Variants in PLCL2 observed in about 807,000 individuals in gnomAD.
PLCL2 encodes phospholipase C like 2.
PLCL2 carries 4 observed loss-of-function variants against 79.6 expected under a neutral mutation model. The ratio of observed to expected loss-of-function variants is 0.05; its 90% CI spans 0.02 to 0.11. The LOEUF (loss-of-function observed/expected upper bound fraction) is 0.11. Ranked by LOEUF, PLCL2 falls within the 10% of genes least tolerant of loss-of-function variation. The pLI, the probability that PLCL2 is intolerant of heterozygous loss-of-function variation, is 1.00. For synonymous variants in PLCL2, 484 were observed against 457.7 expected (o/e 1.06, Z -0.73); for missense variants, 895 against 1,291.0 (o/e 0.69, Z 4.70).
At chr3:16,965,793 G>A (rs1245758367) in intron 1 of PLCL2, among the ~76,000 whole-genome samples, 1 of 151,650 alleles carries the variant, frequency 6.6e-6, no homozygotes, top group South Asian at 2.1e-4. Flanking sequence ...ATTGTGAATG[G>A]GAGTTCACTC....
At position 17,053,668 on chromosome 3, in the gene PLCL2, G is replaced by A. The variant is rs9985265; in HGVS notation, c.3094+10719G>A. Among the ~76,000 whole-genome samples the A allele has an allele frequency of 3.1e-3, 468 of 152,278 alleles. 3 individuals are homozygous for A. The highest frequency in any genetic ancestry group is 0.01 in the African/African-American group (429 of 41,548). On this transcript the variant is annotated intron_variant, in intron 4 of 5. Transcript: ENST00000615277. ...CTATAAGCCTGTAAAATCAGAACAA[G>A]TTACTTACTTCCAAGTTACAATGGG...
At chr3:16,978,791 T>G (rs2063951481) in intron 1 of PLCL2, among the ~76,000 whole-genome samples, 1 of 152,240 alleles carries the variant, frequency 6.6e-6, no homozygotes, top group African/African-American at 2.4e-5. Flanking sequence ...GTTGGAACCT[T>G]ATTGAAAATG....
rs971706806 is a variant in PLCL2 at position 17,041,197 on chromosome 3, A to G, written c.3019-1677A>G. ...CCTGTTCAATACGTCAAGCTGTAAAATAGAATATTTTAATTTATGGGAATG... is the reference window on the plus strand; with the variant it reads ...CCTGTTCAATACGTCAAGCTGTAAAGTAGAATATTTTAATTTATGGGAATG... On this transcript the variant is annotated intron_variant, in intron 3 of 5. Transcript: ENST00000615277. 2.0e-5 allele frequency among the ~76,000 whole-genome samples: 3 copies of G among 152,224 alleles called. No individual in the cohort carries two copies. The South Asian group carries it at 6.2e-4, about 32-fold the overall frequency.
chr3:17,089,026 G>A lies in PLCL2; in HGVS notation c.3205-707G>A, dbSNP rs141674071. Among the ~76,000 whole-genome samples, 7 of 152,214 alleles carry A rather than the reference G, an allele frequency of 4.6e-5. No homozygotes were observed. The East Asian group carries it at 5.8e-4, about 13-fold the overall frequency. On this transcript the variant is annotated intron_variant, in intron 5 of 5. Coordinates refer to ENST00000615277, the MANE Select transcript of PLCL2 (RefSeq NM_001144382.2). Reference sequence around the variant, plus strand: ...CAAATGCTCAGTGAGGACCTGCTGCGTGCCCACGGCTGCCAGCACTTACCA... The same window carrying A: ...CAAATGCTCAGTGAGGACCTGCTGCATGCCCACGGCTGCCAGCACTTACCA...
chr3:16,906,649 T>C (rs900893498), intron 1 of PLCL2, among the ~76,000 whole-genome samples: 3 of 152,234 alleles, frequency 2.0e-5, no homozygotes, highest in Non-Finnish European at 4.4e-5. Flanking sequence ...CAGTTTATTT[T>C]GTGAATATAT....
At chr3:17,065,937 C>T (rs1030683093) in intron 4 of PLCL2, among the ~76,000 whole-genome samples, 1 of 152,188 alleles carries the variant, frequency 6.6e-6, no homozygotes, top group African/African-American at 2.4e-5. Context: ...ATGGTACCTC[C>T]TGACTGCCAG....
intron 5 of PLCL2, among the ~76,000 whole-genome samples, chr3:17,087,751 G>A (rs533755314): frequency 3.8e-4 from 58 of 152,248 alleles, no homozygotes; most frequent in African/African-American, 8.2e-4. Context: ...GGGAGGGAGC[G>A]TAAGGGAACT....
chr3:16,887,295 CTAGATA>C lies in PLCL2; in HGVS notation c.327+1932_327+1937del, dbSNP rs1696248375. ...TGGCTTCTTGTTCACCAGTGTAACC[CTAGATA>C]TAAAGTGCCAGGAATGTAGTAGCAG... On this transcript the variant is annotated intron_variant, in intron 1 of 5. Coordinates refer to ENST00000615277, the MANE Select transcript of PLCL2 (RefSeq NM_001144382.2). The surrounding 1 kb of genome is among the most constrained non-coding windows in gnomAD (Gnocchi z 4.1). Among the ~76,000 whole-genome samples the C allele has an allele frequency of 6.6e-6, 1 of 152,104 alleles. No individual in the cohort carries two copies. The highest frequency in any genetic ancestry group is 6.6e-5 in the Admixed American group (1 of 15,266).
At position 17,010,385 on chromosome 3, in the gene PLCL2, C is replaced by G; in HGVS notation, c.1039C>G (p.Leu347Val). ...TTGTACTAGACCTGAAATTTATTTCCTTTTAGTTCAGTTTTCAAGCAATAA... is the reference window on the plus strand; with the variant it reads ...TTGTACTAGACCTGAAATTTATTTCGTTTTAGTTCAGTTTTCAAGCAATAA... ...ELCTRPEIYFLLVQFSSNKEF... is the reference protein window; with the variant it reads ...ELCTRPEIYFVLVQFSSNKEF... The change falls in exon 2 of 6, where the codon CTT (leucine) becomes GTT (valine). Residue 347 changes from leucine to valine, a missense_variant. Transcript: ENST00000615277. The surrounding 1 kb of genome is among the most constrained non-coding windows in gnomAD (Gnocchi z 5.8). 1 of 1,613,686 alleles carries G rather than the reference C, an allele frequency of 6.2e-7. No individual in the cohort carries two copies. Among genetic ancestry groups the G allele is most frequent in the Non-Finnish European group, 8.5e-7 (1 of 1,179,844 alleles).
At position 17,014,915 on chromosome 3, in the gene PLCL2, A is replaced by G; in HGVS notation, c.3018+4A>G. On this transcript the variant is annotated splice_donor_region_variant and intron_variant, in intron 3 of 5. Coordinates refer to ENST00000615277, the MANE Select transcript of PLCL2 (RefSeq NM_001144382.2). ...GATCGTAACAACTTATGACATGGTG[A>G]GTTGTCCTTTGTCCGTTTACATAGC... 6.2e-7 allele frequency: 1 copy of G among 1,611,630 alleles called. No individual in the cohort carries two copies. The highest frequency in any genetic ancestry group is 8.5e-7 in the Non-Finnish European group (1 of 1,177,962).
chr3:16,905,086 A>C (rs1696720545), intron 1 of PLCL2, among the ~76,000 whole-genome samples: 1 of 152,088 alleles, frequency 6.6e-6, no homozygotes, highest in African/African-American at 2.4e-5. Flanking sequence ...GAAACTAGAG[A>C]ATGCTTTTGA....
rs140147339 is a variant in PLCL2, at chr3:16,952,558, A to G, written c.328-57116A>G. Among the ~76,000 whole-genome samples, 312 of 152,004 alleles carry G rather than the reference A, an allele frequency of 2.1e-3. 1 individual carries two copies. The highest frequency in any genetic ancestry group is 5.8e-3 in the African/African-American group (240 of 41,522). On this transcript the variant is annotated intron_variant, in intron 1 of 5. Coordinates refer to ENST00000615277, the MANE Select transcript of PLCL2 (RefSeq NM_001144382.2). ...GTAGGCTTTAAAAAATCATATTTTA[A>G]AAAGAATATTTAAGATTATGGGGGA...
At chr3:16,928,136 A>G (rs1046876173) in intron 1 of PLCL2, among the ~76,000 whole-genome samples, 1 of 152,200 alleles carries the variant, frequency 6.6e-6, no homozygotes, top group Non-Finnish European at 1.5e-5. Flanking sequence ...GCTAGCTCCT[A>G]TGTTAGGCAC....
intron 4 of PLCL2, among the ~76,000 whole-genome samples, chr3:17,048,848 C>G (rs2064809486): frequency 6.6e-6 from 1 of 152,136 alleles, no homozygotes; most frequent in South Asian, 2.1e-4. Context: ...CCTTAAGTAA[C>G]ACCATGGGAC....
At chr3:17,073,178 A>T (rs1241594841) in intron 5 of PLCL2, among the ~76,000 whole-genome samples, 1 of 152,234 alleles carries the variant, frequency 6.6e-6, no homozygotes, top group African/African-American at 2.4e-5. Flanking sequence ...TGACAAGTGT[A>T]TGTACAGGCG....
At chr3:17,036,270 A>C (rs1187079176) in intron 3 of PLCL2, among the ~76,000 whole-genome samples, 6 of 152,178 alleles carry the variant, frequency 3.9e-5, no homozygotes, top group African/African-American at 1.4e-4. Context: ...CTACAGCAAT[A>C]ATCTTTCAGT....
At chr3:16,904,013 G>A (rs567070370) in intron 1 of PLCL2, among the ~76,000 whole-genome samples, 1 of 152,182 alleles carries the variant, frequency 6.6e-6, no homozygotes, top group Non-Finnish European at 1.5e-5. Flanking sequence ...TTTTTCAGAA[G>A]TACAGTGGCA....
intron 4 of PLCL2, among the ~76,000 whole-genome samples, chr3:17,044,876 C>T (rs1398476605): frequency 6.6e-6 from 1 of 152,160 alleles, no homozygotes. Context: ...TGTGCTTGTA[C>T]TTAAAAAGCT....
intron 1 of PLCL2, among the ~76,000 whole-genome samples, chr3:16,981,861 T>C (rs1210784289): frequency 1.3e-5 from 2 of 152,242 alleles, no homozygotes; most frequent in East Asian, 3.8e-4. Context: ...AAAAATTTAG[T>C]ATCTGACTAT....
Sources: allele counts gnomAD v4.1 joint callset (sites outside exome capture counted in the v4.1 genomes callset), GRCh38; gene constraint gnomAD v4.1.1; non-coding constraint Gnocchi (gnomAD v3.1); transcripts MANE v1.5; gene names NCBI Gene and HGNC (gene_info 2026-07-23, HGNC 2026-07-21).